MAST4: variants seen among roughly 807,000 people sequenced by gnomAD.
MAST4 encodes the protein microtubule associated serine/threonine kinase family member 4, also known as microtubule-associated serine/threonine-protein kinase 4.
Under a neutral mutation model 162.7 loss-of-function variants are expected in MAST4, and 89 were observed. The observed-to-expected ratio is 0.55, with a 90% CI of 0.46 to 0.65. The LOEUF (loss-of-function observed/expected upper bound fraction) is 0.65, where lower values mean the gene tolerates loss of function less well. Among genes scored for constraint, MAST4 ranks in the 30% least tolerant of loss-of-function variants. The probability of loss-of-function intolerance (pLI) is 0.00; values close to 1 mark genes in which losing one functional copy is unlikely to be tolerated. For synonymous variants in MAST4, 1,479 were observed against 1,361.1 expected, an observed-to-expected ratio of 1.09 and a Z score of -1.91; for missense variants, 3,153 against 3,374.0, an observed-to-expected ratio of 0.93 and a Z score of 1.62.
chr5:67,121,479 A>G lies in MAST4; in HGVS notation c.1745+377A>G, dbSNP rs185316185. Among the ~76,000 whole-genome samples, 399 of 151,552 alleles carry G rather than the reference A, an allele frequency of 2.6e-3. 5 individuals carry two copies. Among genetic ancestry groups the G allele is most frequent in the African/African-American group, 9.3e-3 (387 of 41,398 alleles). Reference sequence around the variant, plus strand: ...TAATCATATATTTATAATTTTCTATATAGTATTACTACATGAAAATTAGCC... The same window carrying G: ...TAATCATATATTTATAATTTTCTATGTAGTATTACTACATGAAAATTAGCC... On this transcript the variant is annotated intron_variant, in intron 14 of 28. Coordinates refer to ENST00000403625, the MANE Select transcript of MAST4 (RefSeq NM_001164664.2).
chr5:66,844,331 A>G (rs1247383731), intron 3 of MAST4, among the ~76,000 whole-genome samples: 2 of 152,114 alleles, frequency 1.3e-5, no homozygotes, highest in African/African-American at 4.8e-5. Flanking sequence ...TCTTTTCATC[A>G]GTATTAATGG....
At chr5:66,847,533 T>C (rs913574804) in intron 3 of MAST4, among the ~76,000 whole-genome samples, 26 of 151,882 alleles carry the variant, frequency 1.7e-4, no homozygotes, top group African/African-American at 6.0e-4. Context: ...ACTTGGGAAG[T>C]TGAGGCAGGG....
chr5:67,031,011 G>A (rs1755247142), intron 4 of MAST4, among the ~76,000 whole-genome samples: 1 of 152,068 alleles, frequency 6.6e-6, no homozygotes, highest in Non-Finnish European at 1.5e-5. Context: ...CTCATTAACT[G>A]TCCTGTAAAA....
intron 3 of MAST4, among the ~76,000 whole-genome samples, chr5:66,829,585 A>G (rs1290709055): frequency 2.0e-5 from 3 of 152,180 alleles, no homozygotes; most frequent in African/African-American, 2.4e-5. Flanking sequence ...CCAGAACATA[A>G]GTATGTTCAA....
chr5:66,702,844 A>G (rs764716483), intron 1 of MAST4, among the ~76,000 whole-genome samples: 2 of 152,194 alleles, frequency 1.3e-5, no homozygotes, highest in Non-Finnish European at 2.9e-5. Context: ...GAGGAGTAAT[A>G]TAATTCAACT....
chr5:67,147,722 A>G (rs935795763), intron 23 of MAST4, among the ~76,000 whole-genome samples: 7 of 152,234 alleles, frequency 4.6e-5, no homozygotes, highest in African/African-American at 1.7e-4. Flanking sequence ...TTGTGAGATG[A>G]GATTTATTAC....
intron 4 of MAST4, among the ~76,000 whole-genome samples, chr5:66,952,407 C>T (rs1296018446): frequency 6.6e-6 from 1 of 152,046 alleles, no homozygotes; most frequent in Non-Finnish European, 1.5e-5. Context: ...CCTTAGAAGC[C>T]ATTAGCCAGC....
intron 3 of MAST4, among the ~76,000 whole-genome samples, chr5:66,849,346 G>A (rs1162855839): frequency 6.6e-6 from 1 of 152,118 alleles, no homozygotes; most frequent in Non-Finnish European, 1.5e-5. Flanking sequence ...TCCTCCTGAG[G>A]AGTCTCTCCG....
At chr5:66,910,741 C>CTTTTTTTTTTTTTTTTTT (rs1176127841) in intron 4 of MAST4, among the ~76,000 whole-genome samples, 1 of 20,088 alleles carries the variant, frequency 5.0e-5, no homozygotes, top group African/African-American at 1.2e-4. Flanking sequence ...TTTTTTTTTT[C>CTTTTTTTTTTTTTTTTTT]TTTTTTTTTT....
intron 4 of MAST4, among the ~76,000 whole-genome samples, chr5:66,953,701 C>T (rs752816318): frequency 7.9e-5 from 12 of 152,018 alleles, no homozygotes; most frequent in African/African-American, 1.2e-4. Flanking sequence ...AAATCAGAAT[C>T]GACATGTTAA....
At chr5:66,721,302 G>A (rs1177467829) in intron 1 of MAST4, among the ~76,000 whole-genome samples, 1 of 152,006 alleles carries the variant, frequency 6.6e-6, no homozygotes, top group Non-Finnish European at 1.5e-5. Context: ...CAGACTATAG[G>A]CTTTCATCCC....
chr5:67,158,433 G>A (rs1335756235), intron 26 of MAST4, among the ~76,000 whole-genome samples: 5 of 152,156 alleles, frequency 3.3e-5, no homozygotes, highest in South Asian at 4.2e-4. Flanking sequence ...TAAGTCAGCC[G>A]TGGTTGTGTG....
At chr5:67,019,183 A>G (rs1753676145) in intron 4 of MAST4, among the ~76,000 whole-genome samples, 1 of 152,216 alleles carries the variant, frequency 6.6e-6, no homozygotes, top group African/African-American at 2.4e-5. Flanking sequence ...GGGCGGGTTG[A>G]TGGTAAATCC....
In MAST4 at chr5:67,078,921, T is replaced by TATATATAATATATATATATATATATA. The variant is rs1554093925; in HGVS notation, c.764-11234_764-11233insATATATATATATATATATAATATATA. ...ATATATTTTTATATAAATATATATA[T>TATATATAATATATATATATATATATA]ATATATATATATATATATATATATA... On this transcript the variant is annotated intron_variant, in intron 5 of 28. Transcript: ENST00000403625. Among the ~76,000 whole-genome samples, 8 of 73,314 alleles carry TATATATAATATATATATATATATATA rather than the reference T, an allele frequency of 1.1e-4. 1 individual carries two copies. The highest frequency in any genetic ancestry group is 6.3e-4 in the African/African-American group (8 of 12,788). The allele number at this position is 73,314 out of a possible 152,430, so 48.1% of individuals were successfully genotyped here.
Position 67,168,079 on chromosome 5 carries a change from T to G in MAST4, c.*1028T>G, listed in dbSNP as rs1705398. 6.6e-5 allele frequency: 10 copies of G among 152,298 alleles called. No individual in the cohort carries two copies. In the East Asian group the frequency reaches 1.7e-3, roughly 26 times the overall value. The allele number at this position is 152,298 out of a possible 1,614,324, so 9.4% of individuals were successfully genotyped here. On this transcript the variant is annotated 3_prime_UTR_variant, in exon 29 of 29. Transcript: ENST00000403625. Reference sequence around the variant, plus strand: ...GGCTGCACCCAAATCTTCTAGTACTTGAGTAATAAGCATCAGGCATTGGAA... The same window carrying G: ...GGCTGCACCCAAATCTTCTAGTACTGGAGTAATAAGCATCAGGCATTGGAA...
rs1238091813 is a variant in MAST4 at position 67,168,045 on chromosome 5, A to G, written c.*994A>G. 1 of 152,264 alleles carries G rather than the reference A, an allele frequency of 6.6e-6. No individual in the cohort carries two copies. The highest frequency in any genetic ancestry group is 1.5e-5 in the Non-Finnish European group (1 of 68,054). The allele number at this position is 152,264 out of a possible 1,614,324, so 9.4% of individuals were successfully genotyped here. A position where few individuals can be genotyped will look rare whatever the true frequency, so the allele number is the denominator to read the frequency against. ...CCAGCCCTGCTCTTGAATAAAAAGG[A>G]AAATTACTGGCTGCACCCAAATCTT... On this transcript the variant is annotated 3_prime_UTR_variant, in exon 29 of 29. Coordinates refer to ENST00000403625, the MANE Select transcript of MAST4 (RefSeq NM_001164664.2).
At chr5:67,120,564 T>C (rs1225463720) in intron 13 of MAST4, among the ~76,000 whole-genome samples, 1 of 152,206 alleles carries the variant, frequency 6.6e-6, no homozygotes, top group Admixed American at 6.5e-5. Context: ...GTGTTGCATG[T>C]GTTGCCTACT....
At position 66,900,590 on chromosome 5, in the gene MAST4, A is replaced by C. The variant is rs547939434; in HGVS notation, c.674+608A>C. 7.9e-5 allele frequency among the ~76,000 whole-genome samples: 12 copies of C among 152,194 alleles called. No homozygotes were observed. The East Asian group carries it at 1.9e-3, about 24-fold the overall frequency. Reference sequence around the variant, plus strand: ...AGCAAGTTGCAGAATAAAATTGAGGACAGAATTAACTACCCTCAATTAAGG... The same window carrying C: ...AGCAAGTTGCAGAATAAAATTGAGGCCAGAATTAACTACCCTCAATTAAGG... On this transcript the variant is annotated intron_variant, in intron 4 of 28. Transcript: ENST00000403625.
intron 4 of MAST4, among the ~76,000 whole-genome samples, chr5:67,049,023 G>GTATATATATA (rs10598203): frequency 2.3e-5 from 2 of 85,656 alleles, no homozygotes; most frequent in South Asian, 7.3e-4. Flanking sequence ...ATATATATAC[G>GTATATATATA]TATATATATA....
Sources: allele counts gnomAD v4.1 joint callset (sites outside exome capture counted in the v4.1 genomes callset), GRCh38; gene constraint gnomAD v4.1.1; transcripts MANE v1.5; gene names NCBI Gene and HGNC (gene_info 2026-07-23, HGNC 2026-07-21).